SYNJ2: variants seen among roughly 807,000 people sequenced by gnomAD.
SYNJ2 encodes synaptojanin 2.
A neutral mutation model predicts 141.3 loss-of-function variants in SYNJ2; 116 were observed. The ratio of observed to expected loss-of-function variants is 0.82; its 90% CI spans 0.71 to 0.96. The LOEUF (loss-of-function observed/expected upper bound fraction) is 0.96. Ranked by LOEUF, SYNJ2 falls within the 40% of genes least tolerant of loss-of-function variation. SYNJ2 has a pLI of 0.00. For missense variants in SYNJ2, 1,873 were observed against 1,934.8 expected, an observed-to-expected ratio of 0.97 and a Z score of 0.60; for synonymous variants, 745 against 777.7, an observed-to-expected ratio of 0.96 and a Z score of 0.70.
At chr6:157,998,819 C>G (rs1324183004) in intron 1 of SYNJ2, among the ~76,000 whole-genome samples, 1 of 152,216 alleles carries the variant, frequency 6.6e-6, no homozygotes, top group Admixed American at 6.5e-5. Context: ...AAGCGTTGAG[C>G]TCCATGAATC....
intron 2 of SYNJ2, chr6:158,017,631 G>T (rs1484364101): frequency 2.3e-6 from 1 of 427,714 alleles, no homozygotes; most frequent in East Asian, 6.8e-5. Context: ...GGTCAGGCTG[G>T]TCTGAAACTC....
intron 7 of SYNJ2, among the ~76,000 whole-genome samples, chr6:158,060,283 AAG>A (rs1781135155): frequency 6.6e-6 from 1 of 152,088 alleles, no homozygotes; most frequent in Non-Finnish European, 1.5e-5. Context: ...CCATGGGAGC[AAG>A]AGACTCCGCC....
At chr6:158,057,557 G>A (rs769919254) in intron 6 of SYNJ2, among the ~76,000 whole-genome samples, 7 of 152,230 alleles carry the variant, frequency 4.6e-5, no homozygotes, top group Non-Finnish European at 1.0e-4. Flanking sequence ...CAGAAGGGAT[G>A]AATCATTTGA....
At chr6:158,035,983 A>G (rs979176660) in intron 4 of SYNJ2, among the ~76,000 whole-genome samples, 2 of 151,482 alleles carry the variant, frequency 1.3e-5, no homozygotes, top group Non-Finnish European at 2.9e-5. Context: ...AAAAAAAAAC[A>G]TTAAAAACTG....
chr6:158,095,676 C>T lies in SYNJ2; in HGVS notation c.3803C>T (p.Pro1268Leu), dbSNP rs143159477. ...QQTVHFTIGP[P>L]ETSVEAPPVV... is the part of the protein sequence containing the mutation. The stretch of plus-strand genomic sequence containing the variant: ...ACTGTCCATTTTACAATCGGGCCCC[C>T]GGAGACAAGCGTTGAGGCCCCTCCT... Residue 1268 changes from proline (P) to leucine (L), a missense_variant, in exon 27 of 27, where the codon CCG (proline) becomes CTG (leucine). Transcript: ENST00000355585. The T allele has an allele frequency of 1.2e-5, 19 of 1,613,368 alleles. No homozygotes were observed. The highest frequency in any genetic ancestry group is 1.5e-5 in the Non-Finnish European group (18 of 1,179,772).
In SYNJ2 at chr6:158,016,356, C is replaced by T. The variant is rs139796620; in HGVS notation, c.128-848C>T. The stretch of plus-strand genomic sequence containing the variant: ...CTCGAACTTCTGACCTCAGGTGATC[C>T]GCCTGCCTTCGCCTCCCAAAGTGCT... On this transcript the variant is annotated intron_variant, in intron 1 of 26. Transcript: ENST00000355585. Among the ~76,000 whole-genome samples, 15 of 152,240 alleles carry T rather than the reference C, an allele frequency of 9.9e-5. No individual in the cohort carries two copies. In the East Asian group the frequency reaches 1.4e-3, roughly 14 times the overall value.
rs764136744 is a variant in SYNJ2, at chr6:158,062,004, G to T, written c.967G>T (p.Ala323Ser). The T allele has an allele frequency of 1.9e-6, 3 of 1,613,800 alleles. No homozygotes were observed. Among genetic ancestry groups the T allele is most frequent in the South Asian group, 1.1e-5 (1 of 91,092 alleles). ...CTCCTCTTTTCAGAAGCTGCTCTGG[G>T]CTTCTTGCCACGCGGGCGACACGCC... is the stretch of plus-strand genomic sequence containing the variant. ...LNRAFKKLLW[A>S]SCHAGDTPMI... Residue 323 changes from alanine to serine, a missense_variant, in exon 8 of 27, where the codon GCT becomes TCT. Ala to Ser is a moderately conservative substitution (Grantham distance 99, BLOSUM62 1). Transcript: ENST00000355585.
Position 158,027,070 on chromosome 6 carries a change from C to T in SYNJ2, c.215-1686C>T. 1 of 985,394 alleles carries T rather than the reference C, an allele frequency of 1.0e-6. No individual in the cohort carries two copies. Among genetic ancestry groups the T allele is most frequent in the Non-Finnish European group, 1.2e-6 (1 of 829,926 alleles). The allele number at this position is 985,394 out of a possible 1,614,324, so 61.0% of individuals were successfully genotyped here. A position where few individuals can be genotyped will look rare whatever the true frequency, so the allele number is the denominator to read the frequency against. ...CCCCACCCCATGGCATAGCAGCAGG[C>T]CCCTGGGAGCCCTGAGCGCTCATTA... On this transcript the variant is annotated intron_variant, in intron 2 of 26. Coordinates refer to ENST00000355585, the MANE Select transcript of SYNJ2 (RefSeq NM_003898.4). This position sits in a 1 kb window ranked among gnomAD's most constrained non-coding sequence, Gnocchi z 4.6.
intron 5 of SYNJ2, among the ~76,000 whole-genome samples, chr6:158,052,259 A>G (rs894504049): frequency 1.3e-5 from 2 of 152,264 alleles, no homozygotes; most frequent in African/African-American, 4.8e-5. Flanking sequence ...TACAGAAAAA[A>G]TTTAAGAACA....
chr6:158,073,407 C>T lies in SYNJ2; in HGVS notation c.2134-1173C>T, dbSNP rs191878339. 2.1e-3 allele frequency among the ~76,000 whole-genome samples: 321 copies of T among 151,962 alleles called. 6 individuals are homozygous for T. In the East Asian group the frequency reaches 0.044, roughly 21 times the overall value. The stretch of plus-strand genomic sequence containing the variant: ...GAGATGGGGTTTCGCCATGTTGGCC[C>T]AGCTGGTCTCGAACTCCTGACATCA... On this transcript the variant is annotated intron_variant, in intron 15 of 26. Coordinates refer to ENST00000355585, the MANE Select transcript of SYNJ2 (RefSeq NM_003898.4).
At chr6:158,033,779 T>A in intron 4 of SYNJ2, 99 bp downstream of exon 4, 1 of 1,250,968 alleles carries the variant, frequency 8.0e-7, no homozygotes, top group South Asian at 1.4e-5. Flanking sequence ...CCTGGCATAT[T>A]TGTGGTGGTC....
chr6:158,097,443 T>C lies in SYNJ2; in HGVS notation c.*1079T>C, dbSNP rs1026039155. 1 of 152,228 alleles carries C rather than the reference T, an allele frequency of 6.6e-6. No homozygotes were observed. Among genetic ancestry groups the C allele is most frequent in the Non-Finnish European group, 1.5e-5 (1 of 68,044 alleles). The allele number at this position is 152,228 out of a possible 1,614,324, so 9.4% of individuals were successfully genotyped here. A position where few individuals can be genotyped will look rare whatever the true frequency, so the allele number is the denominator to read the frequency against. On this transcript the variant is annotated 3_prime_UTR_variant, in exon 27 of 27. Coordinates refer to ENST00000355585, the MANE Select transcript of SYNJ2 (RefSeq NM_003898.4). The stretch of plus-strand genomic sequence containing the variant: ...ACCTATTCAATAACTGAAAAAGACA[T>C]TACCATAGTGCTTTACATTTTTAAA...
At chr6:158,074,058 T>G (rs1782112907) in intron 15 of SYNJ2, among the ~76,000 whole-genome samples, 1 of 151,946 alleles carries the variant, frequency 6.6e-6, no homozygotes, top group African/African-American at 2.4e-5. Flanking sequence ...CCAGGAGCTC[T>G]CCGGGGCTGA....
chr6:158,097,441 C>A lies in SYNJ2; in HGVS notation c.*1077C>A, dbSNP rs1369607253. ...TCACCTATTCAATAACTGAAAAAGA[C>A]ATTACCATAGTGCTTTACATTTTTA... On this transcript the variant is annotated 3_prime_UTR_variant, in exon 27 of 27. Coordinates refer to ENST00000355585, the MANE Select transcript of SYNJ2 (RefSeq NM_003898.4). 1 of 152,340 alleles carries A rather than the reference C, an allele frequency of 6.6e-6. No individual in the cohort carries two copies. Among genetic ancestry groups the A allele is most frequent in the East Asian group, 1.9e-4 (1 of 5,190 alleles). 9.4% of individuals were successfully genotyped at this position (152,340 alleles called of 1,614,324 possible). A position where few individuals can be genotyped will look rare whatever the true frequency, so the allele number is the denominator to read the frequency against.
intron 20 of SYNJ2, 56 bp downstream of exon 20, chr6:158,081,566 G>A: frequency 1.8e-6 from 2 of 1,126,696 alleles, no homozygotes; most frequent in Non-Finnish European, 2.6e-6. Context: ...CTCTTTTTAT[G>A]TGGGCATGTC....
At chr6:158,057,825 C>A (rs1780963001) in intron 6 of SYNJ2, among the ~76,000 whole-genome samples, 1 of 152,228 alleles carries the variant, frequency 6.6e-6, no homozygotes, top group Non-Finnish European at 1.5e-5. Flanking sequence ...TGGGATGCAC[C>A]TTCTCTGGGC....
intron 6 of SYNJ2, among the ~76,000 whole-genome samples, chr6:158,057,634 AAC>A (rs1398841841): frequency 6.6e-6 from 1 of 152,234 alleles, no homozygotes; most frequent in Non-Finnish European, 1.5e-5. Flanking sequence ...AATGAGTAAT[AAC>A]AGTTTCCTTC....
intron 22 of SYNJ2, among the ~76,000 whole-genome samples, chr6:158,085,770 T>C (rs1477585327): frequency 6.6e-6 from 1 of 152,108 alleles, no homozygotes; most frequent in African/African-American, 2.4e-5. Context: ...TCACCAAGCT[T>C]TCCAGGTGGT....
intron 1 of SYNJ2, among the ~76,000 whole-genome samples, chr6:157,990,192 C>T (rs528551867): frequency 1.4e-4 from 21 of 152,322 alleles, no homozygotes; most frequent in Middle Eastern, 3.4e-3. Context: ...CAGGCCCAGG[C>T]CGCAGGAGGT....
Sources: allele counts gnomAD v4.1 joint callset (sites outside exome capture counted in the v4.1 genomes callset), GRCh38; gene constraint gnomAD v4.1.1; non-coding constraint Gnocchi (gnomAD v3.1); transcripts MANE v1.5; gene names NCBI Gene and HGNC (gene_info 2026-07-23, HGNC 2026-07-21).